Variants in NAA35 observed in about 807,000 individuals in gnomAD.
NAA35 encodes MAK10 homolog, amino-acid N-acetyltransferase subunit.
Under a neutral mutation model 101.7 loss-of-function variants are expected in NAA35, and 18 were observed. The observed-to-expected ratio is 0.18, with a 90% CI of 0.12 to 0.26. The LOEUF is 0.26. NAA35 is among the 10% of genes least tolerant of loss of function. The pLI is 1.00. For synonymous variants in NAA35, 267 were observed against 273.1 expected (o/e 0.98, Z 0.22); for missense variants, 601 against 886.8 (o/e 0.68, Z 4.09).
At chr9:86,007,207 C>T (rs972597775) in intron 13 of NAA35, 151 bp from the exon 14 acceptor site, 5 of 472,932 alleles carry the variant, frequency 1.1e-5, no homozygotes, top group South Asian at 9.7e-5. Flanking sequence ...AAGTAACACT[C>T]ATTGTGGAGA....
intron 12 of NAA35, among the ~76,000 whole-genome samples, chr9:85,998,062 C>A (rs1831251773): frequency 6.6e-6 from 1 of 152,040 alleles, no homozygotes. Context: ...CTACAGGCGT[C>A]CGCCACCACG....
At chr9:85,968,443 C>T (rs532130304) in intron 6 of NAA35, among the ~76,000 whole-genome samples, 1 of 152,200 alleles carries the variant, frequency 6.6e-6, no homozygotes, top group South Asian at 2.1e-4. Context: ...ATCTCCTGAC[C>T]TCGTGATCTG....
chr9:85,983,060 A>C (rs113966421), intron 11 of NAA35, among the ~76,000 whole-genome samples: 179 of 152,302 alleles, frequency 1.2e-3, no homozygotes, highest in African/African-American at 4.2e-3. Flanking sequence ...TCAGAAGCAG[A>C]AATTTCATCC....
At chr9:85,967,677 C>CTG (rs1038391596) in intron 6 of NAA35, among the ~76,000 whole-genome samples, 66 of 152,100 alleles carry the variant, frequency 4.3e-4, no homozygotes, top group African/African-American at 1.5e-3. Flanking sequence ...TGGTGGGTGC[C>CTG]TGTAGTCCCA....
intron 11 of NAA35, among the ~76,000 whole-genome samples, chr9:85,980,836 C>T (rs994923867): frequency 2.0e-5 from 3 of 151,934 alleles, no homozygotes; most frequent in East Asian, 1.9e-4. Context: ...ATCCTTTTTT[C>T]GCCCCTCAAC....
At chr9:85,987,607 A>G (rs1400495725) in intron 11 of NAA35, among the ~76,000 whole-genome samples, 1 of 152,202 alleles carries the variant, frequency 6.6e-6, no homozygotes, top group Non-Finnish European at 1.5e-5. Context: ...TGTGTATCTA[A>G]TCTAGAGGAT....
chr9:85,988,815 T>C (rs1208839226), intron 11 of NAA35, among the ~76,000 whole-genome samples: 1 of 145,698 alleles, frequency 6.9e-6, no homozygotes, highest in East Asian at 2.0e-4. Flanking sequence ...AAAAAGGACA[T>C]GGAGGTCAGG....
chr9:86,011,974 TATATA>T (rs1368689178), intron 15 of NAA35, among the ~76,000 whole-genome samples: 3 of 135,076 alleles, frequency 2.2e-5, no homozygotes, highest in African/African-American at 5.3e-5. Flanking sequence ...ATGTATATAA[TATATA>T]ATATATATTA....
intron 2 of NAA35, among the ~76,000 whole-genome samples, chr9:85,953,734 G>A (rs1017129791): frequency 6.6e-6 from 1 of 151,992 alleles, no homozygotes; most frequent in Admixed American, 6.6e-5. Flanking sequence ...TGGCCCTACA[G>A]TATTATTATT....
intron 11 of NAA35, among the ~76,000 whole-genome samples, chr9:85,990,090 A>G (rs893478573): frequency 4.6e-5 from 7 of 152,242 alleles, no homozygotes; most frequent in African/African-American, 1.7e-4. Context: ...TTCAAGATTC[A>G]TGGTGCATGC....
intron 11 of NAA35, among the ~76,000 whole-genome samples, chr9:85,982,186 T>G (rs1221384818): frequency 6.6e-6 from 1 of 152,178 alleles, no homozygotes; most frequent in Non-Finnish European, 1.5e-5. Flanking sequence ...TGGAGCACTG[T>G]ACTAGTAAAG....
At chr9:85,986,210 CA>C (rs1830637845) in intron 11 of NAA35, among the ~76,000 whole-genome samples, 1 of 152,156 alleles carries the variant, frequency 6.6e-6, no homozygotes, top group African/African-American at 2.4e-5. Context: ...CCTTATGAGA[CA>C]ATTATTAAAC....
At chr9:86,003,500 C>A in intron 12 of NAA35, 85 bp from the exon 13 acceptor site, 1 of 638,126 alleles carries the variant, frequency 1.6e-6, no homozygotes, top group Non-Finnish European at 2.7e-6. Context: ...TCCAGAAGGT[C>A]TAGTAAAAAT....
At chr9:85,959,219 A>T (rs1395409665) in intron 4 of NAA35, among the ~76,000 whole-genome samples, 1 of 152,004 alleles carries the variant, frequency 6.6e-6, no homozygotes, top group African/African-American at 2.4e-5. Context: ...TACTAAAAAT[A>T]CAAAAAATTA....
At chr9:85,984,206 G>C (rs1830554611) in intron 11 of NAA35, among the ~76,000 whole-genome samples, 1 of 152,022 alleles carries the variant, frequency 6.6e-6, no homozygotes, top group African/African-American at 2.4e-5. Flanking sequence ...CATGTGCCTT[G>C]TAGTCCTAGC....
rs185317093 is a variant in NAA35, at chr9:85,988,628, C to A, written c.878-7771C>A. On this transcript the variant is annotated intron_variant, in intron 11 of 22. Transcript: ENST00000361671. ...CAGTCTGACCAACATGGGGAAATCC[C>A]CATCTCTACTAAAAATACAAAATTA... is the stretch of plus-strand genomic sequence containing the variant. 1.5e-3 allele frequency among the ~76,000 whole-genome samples: 223 copies of A among 152,084 alleles called. 2 individuals carry two copies. Among genetic ancestry groups the A allele is most frequent in the African/African-American group, 5.2e-3 (216 of 41,498 alleles).
intron 2 of NAA35, among the ~76,000 whole-genome samples, chr9:85,947,734 C>T (rs1169107284): frequency 6.6e-6 from 1 of 152,194 alleles, no homozygotes; most frequent in African/African-American, 2.4e-5. Context: ...AAATAATTAT[C>T]CTCCTCAAAA....
At chr9:86,001,313 G>A (rs1204653339) in intron 12 of NAA35, among the ~76,000 whole-genome samples, 2 of 152,000 alleles carry the variant, frequency 1.3e-5, no homozygotes, top group East Asian at 1.9e-4. Flanking sequence ...TTATGTGGTC[G>A]ATATTAGAGT....
At chr9:85,972,509 C>CAA (rs34535924) in intron 6 of NAA35, among the ~76,000 whole-genome samples, 2,344 of 52,750 alleles carry the variant, frequency 0.044, 156 homozygotes, top group African/African-American at 0.15. Flanking sequence ...GACCCTGTCT[C>CAA]AAAAAAAAAA....
Sources: gnomAD v4.1 joint callset for allele counts (sites outside exome capture counted in the v4.1 genomes callset) on GRCh38, gnomAD v4.1.1 for gene constraint, MANE v1.5 for transcripts, NCBI Gene and HGNC (gene_info 2026-07-23, HGNC 2026-07-21) for gene names.